OCIAD2: variants seen among roughly 807,000 people sequenced by gnomAD.
OCIAD2 encodes OCIA domain-containing protein 2.
A neutral mutation model predicts 22.9 loss-of-function variants in OCIAD2; 29 were observed. The observed-to-expected ratio is 1.27, with a 90% CI of 0.94 to 1.73. The LOEUF is 1.73. OCIAD2 is among the 40% of genes most tolerant of loss of function. OCIAD2 has a pLI of 0.00. For missense variants in OCIAD2, 189 were observed against 180.3 expected, an observed-to-expected ratio of 1.05 and a Z score of -0.28; for synonymous variants, 67 against 60.2, an observed-to-expected ratio of 1.11 and a Z score of -0.52.
chr4:48,904,733 C>T (rs972621866), intron 1 of OCIAD2, 122 bp from the exon 2 acceptor site: 6 of 623,426 alleles, frequency 9.6e-6, no homozygotes, highest in Admixed American at 2.7e-5. Context: ...ATTAGTCCAT[C>T]TGCAAACTCA....
chr4:48,903,903 C>T (rs1179461894), intron 2 of OCIAD2, among the ~76,000 whole-genome samples: 1 of 151,780 alleles, frequency 6.6e-6, no homozygotes, highest in East Asian at 1.9e-4. Flanking sequence ...CCTCGGCCTC[C>T]CAAAGTGCTG....
Position 48,904,530 on chromosome 4 carries a change from C to A in OCIAD2, c.20G>T (p.Arg7Leu). Reference protein sequence around the residue: MASASARGNQDKDAHFP... With the variant: MASASALGNQDKDAHFP... ...ATGGGCATCTTTATCTTGGTTTCCA[C>A]GAGCAGACGCTGAAGCCATGATGAC... is the stretch of plus-strand genomic sequence containing the variant. Residue 7 changes from arginine to leucine, a missense_variant, in exon 2 of 7, where the codon CGT (arginine) becomes CTT (leucine). Coordinates refer to ENST00000508632, the MANE Select transcript of OCIAD2 (RefSeq NM_001014446.3). The A allele has an allele frequency of 6.2e-7, 1 of 1,614,062 alleles. No homozygotes were observed.
chr4:48,885,400 T>C lies in OCIAD2; in HGVS notation c.*84A>G, dbSNP rs933403316. On this transcript the variant is annotated 3_prime_UTR_variant, in exon 7 of 7. Transcript: ENST00000508632. The stretch of plus-strand genomic sequence containing the variant: ...CACAATGTTTTTGTTCCATTAGAAG[T>C]ATTTTATTTTAAAGTACACTTGAAA... 3 of 780,238 alleles carry C rather than the reference T, an allele frequency of 3.8e-6. No homozygotes were observed. The highest frequency in any genetic ancestry group is 6.9e-6 in the Non-Finnish European group (3 of 437,432). 48.3% of individuals were successfully genotyped at this position (780,238 alleles called of 1,614,324 possible).
chr4:48,897,709 C>CA, intron 4 of OCIAD2, 95 bp downstream of exon 4: 4 of 911,492 alleles, frequency 4.4e-6, no homozygotes, highest in Non-Finnish European at 7.3e-6. Flanking sequence ...CATCCTTCAC[C>CA]AAAAAATAAA....
intron 6 of OCIAD2, among the ~76,000 whole-genome samples, chr4:48,889,711 A>T (rs1781109447): frequency 6.6e-6 from 1 of 152,218 alleles, no homozygotes; most frequent in African/African-American, 2.4e-5. Flanking sequence ...TTCCTCAAGG[A>T]TCTAGAACTA....
rs534971572 is a variant in OCIAD2 at position 48,895,143 on chromosome 4, G to A, written c.218-1090C>T. Reference sequence around the variant, plus strand: ...CGAGAAAGGAAAAGGAAGCCCAAGAGCCTCCAGAAGAACACAGCTGGGGCG... The same window carrying A: ...CGAGAAAGGAAAAGGAAGCCCAAGAACCTCCAGAAGAACACAGCTGGGGCG... On this transcript the variant is annotated intron_variant, in intron 4 of 6. Coordinates refer to ENST00000508632, the MANE Select transcript of OCIAD2 (RefSeq NM_001014446.3). Among the ~76,000 whole-genome samples, 4 of 152,308 alleles carry A rather than the reference G, an allele frequency of 2.6e-5. No homozygotes were observed. In the East Asian group the frequency reaches 7.7e-4, roughly 29 times the overall value.
chr4:48,901,553 T>C (rs1781418898), intron 2 of OCIAD2, among the ~76,000 whole-genome samples: 1 of 152,220 alleles, frequency 6.6e-6, no homozygotes, highest in Admixed American at 6.5e-5. Context: ...GTAACATTTA[T>C]TATCCTGTTT....
chr4:48,895,783 ATGGGCAGATCACTTGAGG>A (rs1367734815), intron 4 of OCIAD2, among the ~76,000 whole-genome samples: 3 of 151,966 alleles, frequency 2.0e-5, no homozygotes, highest in African/African-American at 2.4e-5. Context: ...GGAGGCTGAG[ATGGGCAGATCACTTGAGG>A]TGGGCAGATC....
chr4:48,898,245 C>T (rs1781341809), intron 3 of OCIAD2, among the ~76,000 whole-genome samples: 1 of 152,160 alleles, frequency 6.6e-6, no homozygotes, highest in South Asian at 2.1e-4. Flanking sequence ...CAATCCTACA[C>T]AAATGATAAA....
At chr4:48,890,819 T>C (rs567155224) in intron 6 of OCIAD2, among the ~76,000 whole-genome samples, 10 of 152,284 alleles carry the variant, frequency 6.6e-5, no homozygotes, top group African/African-American at 1.9e-4. Context: ...CTGGCTTGGG[T>C]GGGAAGGATT....
intron 4 of OCIAD2, 124 bp downstream of exon 4, chr4:48,897,680 G>T: frequency 1.3e-6 from 1 of 767,176 alleles, no homozygotes; most frequent in Non-Finnish European, 2.3e-6. Flanking sequence ...CTGAAAATAG[G>T]CAGAAGTCTG....
intron 6 of OCIAD2, among the ~76,000 whole-genome samples, chr4:48,888,413 C>G: frequency 6.6e-6 from 1 of 152,096 alleles, no homozygotes; most frequent in Non-Finnish European, 1.5e-5. Context: ...CTGTCTTGTG[C>G]CAGTTTTCAA....
At chr4:48,890,642 C>A (rs186062902) in intron 6 of OCIAD2, among the ~76,000 whole-genome samples, 1 of 152,122 alleles carries the variant, frequency 6.6e-6, no homozygotes, top group African/African-American at 2.4e-5. Context: ...GAATAATATT[C>A]GCATTTGAAT....
intron 2 of OCIAD2, 98 bp downstream of exon 2, chr4:48,904,386 C>T: frequency 9.8e-7 from 1 of 1,024,762 alleles, no homozygotes; most frequent in South Asian, 1.3e-5. Context: ...CAGTTCGAGA[C>T]TGCAGTGAGC....
At chr4:48,886,276 T>C (rs1192373522) in intron 6 of OCIAD2, among the ~76,000 whole-genome samples, 1 of 152,234 alleles carries the variant, frequency 6.6e-6, no homozygotes, top group East Asian at 1.9e-4. Context: ...TTCTGTTCCA[T>C]TGATCTATAT....
intron 6 of OCIAD2, among the ~76,000 whole-genome samples, chr4:48,892,142 A>T (rs1781192888): frequency 6.6e-6 from 1 of 152,250 alleles, no homozygotes; most frequent in African/African-American, 2.4e-5. Context: ...CTAGTCTTGT[A>T]ACTTCTATAG....
Position 48,885,577 on chromosome 4 carries a change from GC to G in OCIAD2, c.384-13del, listed in dbSNP as rs773164520. Reference sequence around the variant, plus strand: ...TAAGGAGGCAGTGCCTAGAAGAGAAGCAAAAATAGACAGCGGTTTGTACTTT... The same window carrying G: ...TAAGGAGGCAGTGCCTAGAAGAGAAGAAAAATAGACAGCGGTTTGTACTTT... On this transcript the variant is annotated splice_polypyrimidine_tract_variant and intron_variant, in intron 6 of 6. Transcript: ENST00000508632. The G allele has an allele frequency of 8.6e-6, 13 of 1,509,934 alleles. No individual in the cohort carries two copies. In the Admixed American group the frequency reaches 1.2e-4, roughly 14 times the overall value. 93.5% of individuals were successfully genotyped at this position (1,509,934 alleles called of 1,614,324 possible).
intron 5 of OCIAD2, 75 bp from the exon 6 acceptor site, chr4:48,892,964 G>T (rs2289065): frequency 1.4e-6 from 1 of 703,530 alleles, no homozygotes; most frequent in African/African-American, 1.8e-5. Context: ...AAAAATCAAC[G>T]CTGGTAATTT....
chr4:48,900,386 C>A (rs1284374991), intron 2 of OCIAD2, among the ~76,000 whole-genome samples: 1 of 152,132 alleles, frequency 6.6e-6, no homozygotes, highest in African/African-American at 2.4e-5. Context: ...CTCAGAGAAC[C>A]TATGTATATA....
Sources: allele counts gnomAD v4.1 joint callset (sites outside exome capture counted in the v4.1 genomes callset), GRCh38; gene constraint gnomAD v4.1.1; transcripts MANE v1.5; gene names NCBI Gene and HGNC (gene_info 2026-07-23, HGNC 2026-07-21).